SDR16C5: variants seen among roughly 807,000 people sequenced by gnomAD.
SDR16C5 encodes the protein short chain dehydrogenase/reductase family 16C member 5.
In SDR16C5, 20 loss-of-function variants were observed where a neutral mutation model predicts 27.7. That is an observed-to-expected ratio of 0.72 (90% CI 0.51 to 1.05). The LOEUF is 1.05. Ranked by LOEUF, SDR16C5 falls within the 50% of genes least tolerant of loss-of-function variation. The pLI is 0.00. For missense variants in SDR16C5, 374 were observed against 366.3 expected, an observed-to-expected ratio of 1.02 and a Z score of -0.17; for synonymous variants, 139 against 132.3, an observed-to-expected ratio of 1.05 and a Z score of -0.35.
chr8:56,304,737 G>T, intron 6 of SDR16C5, among the ~76,000 whole-genome samples: 1 of 151,686 alleles, frequency 6.6e-6, no homozygotes, highest in Non-Finnish European at 1.5e-5. Flanking sequence ...TCACTCTGTT[G>T]CCAAGATGGA....
chr8:56,312,088 G>A (rs1428004551), intron 3 of SDR16C5, 69 bp downstream of exon 3: 26 of 1,362,502 alleles, frequency 1.9e-5, no homozygotes, highest in Non-Finnish European at 2.6e-5. Context: ...TATTGTAAAA[G>A]AGCAAGAGGA....
chr8:56,301,446 G>T lies in SDR16C5; in HGVS notation c.*34C>A. The T allele has an allele frequency of 7.0e-7, 1 of 1,420,860 alleles. No individual in the cohort carries two copies. The highest frequency in any genetic ancestry group is 1.0e-6 in the Non-Finnish European group (1 of 1,003,790). 88.0% of individuals were successfully genotyped at this position (1,420,860 alleles called of 1,614,324 possible). A position where few individuals can be genotyped will look rare whatever the true frequency, so the allele number is the denominator to read the frequency against. ...ATTGAAGTACGCATTATGTAACACT[G>T]TGTATCAGATGACCTTAGCCATAGA... On this transcript the variant is annotated 3_prime_UTR_variant, in exon 7 of 7. Coordinates refer to ENST00000303749, the MANE Select transcript of SDR16C5 (RefSeq NM_138969.4).
chr8:56,311,409 C>T (rs564442141), intron 3 of SDR16C5, among the ~76,000 whole-genome samples: 32 of 152,216 alleles, frequency 2.1e-4, no homozygotes, highest in African/African-American at 7.5e-4. Context: ...GAATGAGACT[C>T]TGTCTCAAAA....
intron 6 of SDR16C5, chr8:56,303,941 G>C (rs1393398512): frequency 2.8e-6 from 2 of 702,362 alleles, no homozygotes; most frequent in East Asian, 2.7e-5. Flanking sequence ...CCAAGACCTG[G>C]AGAATAAAGG....
chr8:56,310,800 A>G (rs188497339), intron 3 of SDR16C5, among the ~76,000 whole-genome samples: 3 of 152,184 alleles, frequency 2.0e-5, no homozygotes, highest in Admixed American at 1.3e-4. Flanking sequence ...TTCTGACTAT[A>G]TATGAGTATA....
rs528635359 is a variant in SDR16C5, at chr8:56,301,272, A to G, written c.*208T>C. ...TGTCTTTATTTTTGGAAAAAAAAAG[A>G]AAAAGAAAAAACCAAAACTCAACCA... On this transcript the variant is annotated 3_prime_UTR_variant, in exon 7 of 7. Coordinates refer to ENST00000303749, the MANE Select transcript of SDR16C5 (RefSeq NM_138969.4). 1.5e-4 allele frequency: 69 copies of G among 455,492 alleles called. No individual in the cohort carries two copies. The Admixed American group carries it at 2.4e-3, about 16-fold the overall frequency. The allele number at this position is 455,492 out of a possible 1,614,324, so 28.2% of individuals were successfully genotyped here.
intron 6 of SDR16C5, among the ~76,000 whole-genome samples, chr8:56,301,923 T>C (rs1814766604): frequency 6.6e-6 from 1 of 152,184 alleles, no homozygotes; most frequent in African/African-American, 2.4e-5. Context: ...CCTAGCTCTG[T>C]CATTTGCAGT....
chr8:56,306,206 C>T (rs1322511310), intron 5 of SDR16C5, among the ~76,000 whole-genome samples: 4 of 152,304 alleles, frequency 2.6e-5, no homozygotes, highest in African/African-American at 9.6e-5. Flanking sequence ...GGATTAGTGC[C>T]TGTCTGAGAA....
rs766522662 is a variant in SDR16C5 at position 56,306,742 on chromosome 8, C to T, written c.644G>A (p.Gly215Glu). 3.1e-6 allele frequency: 5 copies of T among 1,613,742 alleles called. No individual in the cohort carries two copies. In the South Asian group the frequency reaches 3.3e-5, roughly 11 times the overall value. Reference protein sequence around the residue: ...FVETFVQKQKGIKTTIVCPFF... With the variant: ...FVETFVQKQKEIKTTIVCPFF... ...GGGGCACACAATCGTGGTTTTGATC[C>T]CCTTTTGTTTTTGGACAAATGTTTC... Residue 215 changes from glycine to glutamate, a missense_variant, in exon 5 of 7, where the codon GGG becomes GAG. Coordinates refer to ENST00000303749, the MANE Select transcript of SDR16C5 (RefSeq NM_138969.4).
intron 2 of SDR16C5, among the ~76,000 whole-genome samples, chr8:56,315,245 C>CAAA (rs5891608): frequency 7.6e-6 from 1 of 130,772 alleles, no homozygotes; most frequent in African/African-American, 3.0e-5. Flanking sequence ...AACTCCATCT[C>CAAA]AAAAAAAAAA....
chr8:56,305,867 T>C (rs1347889163), intron 5 of SDR16C5, 145 bp from the exon 6 acceptor site: 4 of 799,934 alleles, frequency 5.0e-6, no homozygotes, highest in East Asian at 5.8e-5. Context: ...TTATATTTAC[T>C]CCTTTATTAT....
At chr8:56,314,440 A>G (rs187171704) in intron 2 of SDR16C5, among the ~76,000 whole-genome samples, 38 of 152,288 alleles carry the variant, frequency 2.5e-4, no homozygotes, top group Admixed American at 1.0e-3. Context: ...GGGAAAAGGG[A>G]AGTAATTATT....
At chr8:56,307,354 G>A (rs1174183452) in intron 4 of SDR16C5, among the ~76,000 whole-genome samples, 1 of 151,934 alleles carries the variant, frequency 6.6e-6, no homozygotes, top group African/African-American at 2.4e-5. Context: ...CCTTGAAAAT[G>A]TAGGGTGGGG....
At chr8:56,309,993 A>T (rs1013748909) in intron 3 of SDR16C5, among the ~76,000 whole-genome samples, 1 of 151,494 alleles carries the variant, frequency 6.6e-6, no homozygotes, top group African/African-American at 2.4e-5. Context: ...AGATGACATG[A>T]GGAGTGGTAG....
At chr8:56,314,593 A>T (rs1424671186) in intron 2 of SDR16C5, among the ~76,000 whole-genome samples, 2 of 152,232 alleles carry the variant, frequency 1.3e-5, no homozygotes, top group African/African-American at 2.4e-5. Context: ...ACTTCTAAGT[A>T]GCTGAATTTG....
At chr8:56,319,561 T>TCGG (rs1403040429) in intron 1 of SDR16C5, among the ~76,000 whole-genome samples, 4 of 152,132 alleles carry the variant, frequency 2.6e-5, no homozygotes, top group South Asian at 4.1e-4. Context: ...ACAGGCGCCC[T>TCGG]CGGCTTCCCA....
chr8:56,314,413 AC>A, intron 2 of SDR16C5, among the ~76,000 whole-genome samples: 1 of 152,326 alleles, frequency 6.6e-6, no homozygotes, highest in South Asian at 2.1e-4. Flanking sequence ...CTGGGGCAGA[AC>A]TAAATCACAG....
chr8:56,303,586 ACT>A (rs1430196124), intron 6 of SDR16C5, among the ~76,000 whole-genome samples: 1 of 151,924 alleles, frequency 6.6e-6, no homozygotes, highest in African/African-American at 2.4e-5. Flanking sequence ...CACACAAAGC[ACT>A]CTCTGAATAT....
In SDR16C5 at chr8:56,306,878, A is replaced by G; in HGVS notation, c.566-58T>C. On this transcript the variant is annotated intron_variant, in intron 4 of 6. Transcript: ENST00000303749. ...CAAAGTTTTAAAATGGCATTACATT[A>G]AGGTTTACCCATAACGCTAACAGCG... 4 of 1,483,050 alleles carry G rather than the reference A, an allele frequency of 2.7e-6. No individual in the cohort carries two copies. In the South Asian group the frequency reaches 3.7e-5, roughly 14 times the overall value. The allele number at this position is 1,483,050 out of a possible 1,614,324, so 91.9% of individuals were successfully genotyped here.
Sources: gnomAD v4.1 joint callset for allele counts (sites outside exome capture counted in the v4.1 genomes callset) on GRCh38, gnomAD v4.1.1 for gene constraint, MANE v1.5 for transcripts, NCBI Gene and HGNC (gene_info 2026-07-23, HGNC 2026-07-21) for gene names.